KIRREL3: variants seen among roughly 807,000 people sequenced by gnomAD.
The protein encoded by KIRREL3 is kin of IRRE-like protein 3.
A neutral mutation model predicts 89.7 loss-of-function variants in KIRREL3; 36 were observed. The observed-to-expected ratio is 0.40, with a 90% CI of 0.31 to 0.53. The LOEUF (loss-of-function observed/expected upper bound fraction) is 0.53. Among genes scored for constraint, KIRREL3 ranks in the 20% least tolerant of loss-of-function variants. The pLI, the probability that KIRREL3 is intolerant of heterozygous loss-of-function variation, is 0.49. For missense variants in KIRREL3, 864 were observed against 1,056.6 expected (o/e 0.82, Z 2.53); for synonymous variants, 445 against 441.4 (o/e 1.01, Z -0.10).
intron 1 of KIRREL3, among the ~76,000 whole-genome samples, chr11:126,865,061 T>C (rs1189509225): frequency 1.3e-5 from 2 of 152,162 alleles, no homozygotes; most frequent in African/African-American, 2.4e-5. Flanking sequence ...CAGGGAATTA[T>C]GTGACTTGCC....
rs1402401065 is a variant in KIRREL3, at chr11:126,653,388, A to T, written c.56-90476T>A. 1.1e-5 allele frequency among the ~76,000 whole-genome samples: 1 copy of T among 92,486 alleles called. No homozygotes were observed. Among genetic ancestry groups the T allele is most frequent in the Non-Finnish European group, 3.0e-5 (1 of 33,082 alleles). 60.7% of individuals were successfully genotyped at this position (92,486 alleles called of 152,430 possible). On this transcript the variant is annotated intron_variant, in intron 1 of 16. Transcript: ENST00000525144. This position sits in a 1 kb window ranked among gnomAD's most constrained non-coding sequence, Gnocchi z 5.4. ...GTGCTGCCTCAGTTTGTAAGTAGGC[A>T]TTTGACCTTGTGGGGAATCACTCTC...
rs1948239360 is a variant in KIRREL3, at chr11:126,723,039, C to G, written c.56-160127G>C. Among the ~76,000 whole-genome samples, 1 of 152,184 alleles carries G rather than the reference C, an allele frequency of 6.6e-6. No homozygotes were observed. Among genetic ancestry groups the G allele is most frequent in the Admixed American group, 6.5e-5 (1 of 15,270 alleles). On this transcript the variant is annotated intron_variant, in intron 1 of 16. Transcript: ENST00000525144. This position sits in a 1 kb window ranked among gnomAD's most constrained non-coding sequence, Gnocchi z 4.0. ...GGCCTTTCTTCATCTATTCCTCTTA[C>G]AGTCTTCTGTGGCTGCACATAGTGT...
chr11:126,789,056 C>A (rs1039085553), intron 1 of KIRREL3, among the ~76,000 whole-genome samples: 1 of 152,106 alleles, frequency 6.6e-6, no homozygotes, highest in Non-Finnish European at 1.5e-5. Flanking sequence ...TCACTGCATG[C>A]GATGATGCTG....
chr11:126,599,844 T>G (rs904361781), intron 1 of KIRREL3, among the ~76,000 whole-genome samples: 2 of 152,210 alleles, frequency 1.3e-5, no homozygotes, highest in African/African-American at 4.8e-5. Context: ...TCCATTTTCT[T>G]AGACTAGCAT....
Position 126,550,315 on chromosome 11 carries a change from C to T in KIRREL3, c.133+12520G>A, listed in dbSNP as rs1939153519. Reference sequence around the variant, plus strand: ...TAGGGGTCTAAGCCTGCCCTGACTACACCCGGGATTTGAATCTAGATTTCT... The same window carrying T: ...TAGGGGTCTAAGCCTGCCCTGACTATACCCGGGATTTGAATCTAGATTTCT... On this transcript the variant is annotated intron_variant, in intron 2 of 16. Coordinates refer to ENST00000525144, the MANE Select transcript of KIRREL3 (RefSeq NM_032531.4). This position sits in a 1 kb window ranked among gnomAD's most constrained non-coding sequence, Gnocchi z 4.9. 1 of 152,216 alleles carries T rather than the reference C, an allele frequency of 6.6e-6. No homozygotes were observed. Among genetic ancestry groups the T allele is most frequent in the African/African-American group, 2.4e-5 (1 of 41,434 alleles). 9.4% of individuals were successfully genotyped at this position (152,216 alleles called of 1,614,324 possible).
rs1454365664 is a variant in KIRREL3, at chr11:126,477,515, T to C, written c.434-4049A>G. 6.6e-6 allele frequency among the ~76,000 whole-genome samples: 1 copy of C among 151,966 alleles called. No homozygotes were observed. The highest frequency in any genetic ancestry group is 2.4e-5 in the African/African-American group (1 of 41,350). On this transcript the variant is annotated intron_variant, in intron 4 of 16. Coordinates refer to ENST00000525144, the MANE Select transcript of KIRREL3 (RefSeq NM_032531.4). This position sits in a 1 kb window ranked among gnomAD's most constrained non-coding sequence, Gnocchi z 4.8. The stretch of plus-strand genomic sequence containing the variant: ...TACCAGTGACGAGAGCAAAGAAGGG[T>C]GAGGGTGGGCTTGGGACGCACATCC...
In KIRREL3 at chr11:126,474,830, T is replaced by G. The variant is rs1006585657; in HGVS notation, c.434-1364A>C. On this transcript the variant is annotated intron_variant, in intron 4 of 16. Transcript: ENST00000525144. This position sits in a 1 kb window ranked among gnomAD's most constrained non-coding sequence, Gnocchi z 6.7. The stretch of plus-strand genomic sequence containing the variant: ...TGAAGGATGGTGGATGATCATGGTT[T>G]GGAGGAGAGGCCCAGAAATCTGAAG... Among the ~76,000 whole-genome samples the G allele has an allele frequency of 5.3e-5, 8 of 152,180 alleles. No individual in the cohort carries two copies. Among genetic ancestry groups the G allele is most frequent in the African/African-American group, 1.9e-4 (8 of 41,448 alleles).
chr11:126,986,821 T>C (rs1949880381), intron 1 of KIRREL3, among the ~76,000 whole-genome samples: 1 of 152,216 alleles, frequency 6.6e-6, no homozygotes, highest in Non-Finnish European at 1.5e-5. Flanking sequence ...AATTCTCTGG[T>C]TAGAAAGTGA....
intron 1 of KIRREL3, among the ~76,000 whole-genome samples, chr11:126,662,772 C>T (rs1945466337): frequency 6.6e-6 from 1 of 152,038 alleles, no homozygotes; most frequent in Non-Finnish European, 1.5e-5. Flanking sequence ...TAGCAAAGCA[C>T]ATTGTATGAT....
chr11:126,793,020 G>A (rs1219504076), intron 1 of KIRREL3, among the ~76,000 whole-genome samples: 1 of 152,178 alleles, frequency 6.6e-6, no homozygotes, highest in Non-Finnish European at 1.5e-5. Context: ...TCTGCTGTGT[G>A]TATTCCTTTG....
chr11:126,700,577 T>A (rs1947275134), intron 1 of KIRREL3, among the ~76,000 whole-genome samples: 1 of 152,206 alleles, frequency 6.6e-6, no homozygotes, highest in African/African-American at 2.4e-5. Flanking sequence ...TGTCCCCAGA[T>A]CAGCTGAGGC....
chr11:126,858,873 G>C (rs1043646358), intron 1 of KIRREL3, among the ~76,000 whole-genome samples: 1 of 152,220 alleles, frequency 6.6e-6, no homozygotes, highest in Non-Finnish European at 1.5e-5. Flanking sequence ...TGCTAGAAGG[G>C]ACAGTGGATT....
intron 7 of KIRREL3, among the ~76,000 whole-genome samples, chr11:126,449,790 A>G (rs1955958539): frequency 6.6e-6 from 1 of 152,158 alleles, no homozygotes; most frequent in Non-Finnish European, 1.5e-5. Flanking sequence ...ACAAGCTCTC[A>G]GCTCTCCTGT....
At chr11:126,894,250 T>C (rs893023011) in intron 1 of KIRREL3, among the ~76,000 whole-genome samples, 7 of 152,236 alleles carry the variant, frequency 4.6e-5, no homozygotes, top group Non-Finnish European at 7.4e-5. Flanking sequence ...ATTTCATTTA[T>C]TTGCTGGGTA....
In KIRREL3 at chr11:126,723,471, C is replaced by G. The variant is rs760428074; in HGVS notation, c.56-160559G>C. ...CAACTCTCCTCAGCCTCCAGACACACATGCTCTGTGGCATCATTAAGCAGC... is the reference window on the plus strand; with the variant it reads ...CAACTCTCCTCAGCCTCCAGACACAGATGCTCTGTGGCATCATTAAGCAGC... On this transcript the variant is annotated intron_variant, in intron 1 of 16. Coordinates refer to ENST00000525144, the MANE Select transcript of KIRREL3 (RefSeq NM_032531.4). The surrounding 1 kb of genome is among the most constrained non-coding windows in gnomAD (Gnocchi z 4.0). Among the ~76,000 whole-genome samples, 17 of 152,222 alleles carry G rather than the reference C, an allele frequency of 1.1e-4. No individual in the cohort carries two copies. The highest frequency in any genetic ancestry group is 2.5e-4 in the Non-Finnish European group (17 of 68,042).
At chr11:126,853,968 C>T (rs1420048673) in intron 1 of KIRREL3, among the ~76,000 whole-genome samples, 4 of 152,044 alleles carry the variant, frequency 2.6e-5, no homozygotes, top group African/African-American at 9.7e-5. Context: ...CCCTTTGCAT[C>T]AACAAGTAGT....
chr11:126,653,483 C>A lies in KIRREL3; in HGVS notation c.56-90571G>T, dbSNP rs1944991571. ...CATGGGGTTGTCATGAAATTCAAATCAGGAAATGGATATGAAATGGTTCTG... is the reference window on the plus strand; with the variant it reads ...CATGGGGTTGTCATGAAATTCAAATAAGGAAATGGATATGAAATGGTTCTG... On this transcript the variant is annotated intron_variant, in intron 1 of 16. Coordinates refer to ENST00000525144, the MANE Select transcript of KIRREL3 (RefSeq NM_032531.4). The surrounding 1 kb of genome is among the most constrained non-coding windows in gnomAD (Gnocchi z 5.4). 6.6e-6 allele frequency among the ~76,000 whole-genome samples: 1 copy of A among 152,118 alleles called. No individual in the cohort carries two copies. Among genetic ancestry groups the A allele is most frequent in the African/African-American group, 2.4e-5 (1 of 41,414 alleles).
chr11:126,644,842 T>C (rs1000433959), intron 1 of KIRREL3, among the ~76,000 whole-genome samples: 2 of 152,222 alleles, frequency 1.3e-5, no homozygotes, highest in African/African-American at 4.8e-5. Context: ...TGTACAAAGC[T>C]AGCAAATATT....
intron 2 of KIRREL3, among the ~76,000 whole-genome samples, chr11:126,556,922 A>T (rs1277129900): frequency 6.6e-6 from 1 of 152,236 alleles, no homozygotes; most frequent in African/African-American, 2.4e-5. Flanking sequence ...CAGTGGAAGA[A>T]AACACATCAG....
Sources: gnomAD v4.1 joint callset for allele counts (sites outside exome capture counted in the v4.1 genomes callset) on GRCh38, gnomAD v4.1.1 for gene constraint, Gnocchi (gnomAD v3.1) non-coding constraint, MANE v1.5 for transcripts, NCBI Gene and HGNC (gene_info 2026-07-23, HGNC 2026-07-21) for gene names.